The following TP63 variants were observed in gnomAD, a reference collection of about 807,000 sequenced individuals.
The protein encoded by TP63 is tumor protein 63.
Under a neutral mutation model 82.8 loss-of-function variants are expected in TP63, and 17 were observed. That is an observed-to-expected ratio of 0.21 (90% CI 0.14 to 0.31). The LOEUF (loss-of-function observed/expected upper bound fraction) is 0.31. TP63 is among the 10% of genes least tolerant of loss of function. The pLI, the probability that TP63 is intolerant of heterozygous loss-of-function variation, is 1.00. For synonymous variants in TP63, 330 were observed against 321.7 expected, an observed-to-expected ratio of 1.03 and a Z score of -0.28; for missense variants, 648 against 895.3, an observed-to-expected ratio of 0.72 and a Z score of 3.52.
chr3:189,880,146 T>A (rs1261437356), intron 10 of TP63: 1 of 1,613,876 alleles, frequency 6.2e-7, no homozygotes, highest in African/African-American at 1.3e-5. Flanking sequence ...CTTTAGACAT[T>A]CCAAGCCCCC....
intron 3 of TP63, among the ~76,000 whole-genome samples, chr3:189,775,317 T>TG (rs1723713021): frequency 6.6e-6 from 1 of 152,122 alleles, no homozygotes; most frequent in African/African-American, 2.4e-5. Context: ...GTCCACTGTG[T>TG]TAACTTGTTT....
rs1383931117 is a variant in TP63 at position 189,689,098 on chromosome 3, C to CTTTTTTTTTTTTTTTTTTTTT, written c.63-48637_63-48636insTTTTTTTTTTTTTTTTTTTTT. Among the ~76,000 whole-genome samples, 9 of 85,140 alleles carry CTTTTTTTTTTTTTTTTTTTTT rather than the reference C, an allele frequency of 1.1e-4. 4 individuals are homozygous for CTTTTTTTTTTTTTTTTTTTTT. The highest frequency in any genetic ancestry group is 3.6e-4 in the Admixed American group (2 of 5,592). The allele number at this position is 85,140 out of a possible 152,430, so 55.9% of individuals were successfully genotyped here. A position where few individuals can be genotyped will look rare whatever the true frequency, so the allele number is the denominator to read the frequency against. ...CAGAGTGGCCAGCATTCAAATCTAC[C>CTTTTTTTTTTTTTTTTTTTTT]TTTTTCTTTTTTTTTTTTTTTTTTT... On this transcript the variant is annotated intron_variant, in intron 1 of 13. Transcript: ENST00000264731.
intron 1 of TP63, among the ~76,000 whole-genome samples, chr3:189,665,145 A>T (rs1714271617): frequency 1.3e-5 from 2 of 152,142 alleles, no homozygotes; most frequent in Non-Finnish European, 2.9e-5. Context: ...ACGACTCCTT[A>T]TGAGAGTGTA....
At chr3:189,835,711 G>A (rs919616906) in intron 4 of TP63, among the ~76,000 whole-genome samples, 6 of 151,762 alleles carry the variant, frequency 4.0e-5, no homozygotes, top group East Asian at 1.9e-4. Flanking sequence ...TCAGGAGTTC[G>A]AGAACAGCCT....
In TP63 at chr3:189,835,915, AAATAATAATAATAATAATAATAAT is replaced by A. The variant is rs71711373; in HGVS notation, c.579+27420_579+27443del. On this transcript the variant is annotated intron_variant, in intron 4 of 13. Transcript: ENST00000264731. Reference sequence around the variant, plus strand: ...GGCCACAGTGCGAGACTCCATCTCAAAATAATAATAATAATAATAATAATAATAATAATAATAATAATAATAATA... The same window carrying A: ...GGCCACAGTGCGAGACTCCATCTCAAAATAATAATAATAATAATAATAATA... Among the ~76,000 whole-genome samples the A allele has an allele frequency of 8.6e-3, 1,179 of 136,866 alleles. 24 individuals are homozygous for A. The highest frequency in any genetic ancestry group is 0.031 in the African/African-American group (1,123 of 36,176). The allele number at this position is 136,866 out of a possible 152,430, so 89.8% of individuals were successfully genotyped here. A position where few individuals can be genotyped will look rare whatever the true frequency, so the allele number is the denominator to read the frequency against.
intron 4 of TP63, among the ~76,000 whole-genome samples, chr3:189,843,258 C>T (rs892397989): frequency 2.6e-5 from 4 of 151,744 alleles, no homozygotes; most frequent in South Asian, 2.1e-4. Context: ...GTCTAAGTGT[C>T]GCCCCACTCC....
chr3:189,823,692 C>T (rs112007187), intron 4 of TP63, among the ~76,000 whole-genome samples: 3 of 152,122 alleles, frequency 2.0e-5, no homozygotes, highest in East Asian at 1.9e-4. Flanking sequence ...GGGACCTTGA[C>T]GAATCACTTC....
chr3:189,880,228 T>C (rs751044665), intron 10 of TP63: 3 of 1,591,200 alleles, frequency 1.9e-6, no homozygotes, highest in Admixed American at 3.4e-5. Context: ...CATGTGTATA[T>C]GTGAGTGTGT....
intron 1 of TP63, among the ~76,000 whole-genome samples, chr3:189,639,811 C>T (rs1482362443): frequency 6.6e-6 from 1 of 152,044 alleles, no homozygotes. Flanking sequence ...GTTGATTTAT[C>T]ATGGGAATAA....
chr3:189,669,624 T>C (rs1430327059), intron 1 of TP63, among the ~76,000 whole-genome samples: 2 of 152,078 alleles, frequency 1.3e-5, no homozygotes, highest in Non-Finnish European at 2.9e-5. Context: ...AATAGAACTA[T>C]ACCCCATAAG....
intron 10 of TP63, among the ~76,000 whole-genome samples, chr3:189,875,589 C>CATATATAGATAGAT (rs779050433): frequency 2.3e-5 from 1 of 44,424 alleles, no homozygotes; most frequent in African/African-American, 1.1e-4. Flanking sequence ...AAAAAAAATA[C>CATATATAGATAGAT]ATACATATAT....
At chr3:189,738,169 T>G (rs1222184349) in intron 2 of TP63, among the ~76,000 whole-genome samples, 1 of 152,220 alleles carries the variant, frequency 6.6e-6, no homozygotes, top group East Asian at 1.9e-4. Context: ...GCTTGAAGAC[T>G]TATCTACTTT....
At chr3:189,698,416 C>A (rs1414366058) in intron 1 of TP63, among the ~76,000 whole-genome samples, 1 of 152,036 alleles carries the variant, frequency 6.6e-6, no homozygotes, top group East Asian at 1.9e-4. Flanking sequence ...TCAGTTTCTT[C>A]CATCTCAATT....
At chr3:189,691,338 C>CAAAAAAAA (rs781098833) in intron 1 of TP63, among the ~76,000 whole-genome samples, 27 of 67,098 alleles carry the variant, frequency 4.0e-4, no homozygotes, top group South Asian at 1.3e-3. Flanking sequence ...GACTCCATCT[C>CAAAAAAAA]AAAAAAAAAA....
At chr3:189,816,290 A>G (rs1248730624) in intron 4 of TP63, among the ~76,000 whole-genome samples, 1 of 152,244 alleles carries the variant, frequency 6.6e-6, no homozygotes, top group African/African-American at 2.4e-5. Flanking sequence ...ATCCCTTAAA[A>G]TGAATGCAAA....
At chr3:189,867,773 A>AGAAG in intron 6 of TP63, 60 bp from the exon 7 acceptor site, 1 of 1,468,612 alleles carries the variant, frequency 6.8e-7, no homozygotes, top group East Asian at 2.3e-5. Flanking sequence ...GGAAGAACTG[A>AGAAG]GAAGGAACAA....
At chr3:189,832,009 T>C (rs565996235) in intron 4 of TP63, among the ~76,000 whole-genome samples, 1 of 151,892 alleles carries the variant, frequency 6.6e-6, no homozygotes, top group East Asian at 1.9e-4. Flanking sequence ...TTTTTGTATT[T>C]GTAGTAGAGA....
At chr3:189,629,322 T>G (rs1729384521), upstream of TP63, among the ~76,000 whole-genome samples, 1 of 152,076 alleles carries the variant, frequency 6.6e-6, no homozygotes, top group African/African-American at 2.4e-5. Flanking sequence ...AGGTTGAGGC[T>G]GCAGTGATCC....
upstream of TP63, among the ~76,000 whole-genome samples, chr3:189,628,026 A>G (rs776171729): frequency 9.2e-5 from 14 of 152,150 alleles, no homozygotes; most frequent in Non-Finnish European, 2.1e-4. Context: ...CTAGCTCCTG[A>G]AAACACAGAG....
Sources: allele counts gnomAD v4.1 joint callset (sites outside exome capture counted in the v4.1 genomes callset), GRCh38; gene constraint gnomAD v4.1.1; transcripts MANE v1.5; gene names NCBI Gene and HGNC (gene_info 2026-07-23, HGNC 2026-07-21).